Variants in ZCCHC7 observed in about 807,000 individuals in gnomAD.
ZCCHC7 encodes the protein zinc finger CCHC domain-containing protein 7.
ZCCHC7 carries 35 observed loss-of-function variants against 52.0 expected under a neutral mutation model. The observed-to-expected ratio is 0.67, with a 90% CI of 0.51 to 0.89. ZCCHC7 has a LOEUF of 0.89. Among genes scored for constraint, ZCCHC7 ranks in the 40% least tolerant of loss-of-function variants. The pLI, the probability that ZCCHC7 is intolerant of heterozygous loss-of-function variation, is 0.00. For missense variants in ZCCHC7, 574 were observed against 649.1 expected (o/e 0.88, Z 1.26); for synonymous variants, 217 against 221.5 (o/e 0.98, Z 0.18).
intron 2 of ZCCHC7, among the ~76,000 whole-genome samples, chr9:37,153,736 A>T (rs755364733): frequency 2.0e-5 from 3 of 151,528 alleles, no homozygotes; most frequent in Admixed American, 6.6e-5. Context: ...GCTACCGCTC[A>T]TCTTGTTTCT....
chr9:37,293,984 G>C (rs1372607393), intron 2 of ZCCHC7, among the ~76,000 whole-genome samples: 1 of 152,040 alleles, frequency 6.6e-6, no homozygotes, highest in Non-Finnish European at 1.5e-5. Flanking sequence ...AATTTAATAT[G>C]ATTTAAAATA....
chr9:37,121,201 G>A (rs1842301688), intron 1 of ZCCHC7, among the ~76,000 whole-genome samples: 2 of 152,236 alleles, frequency 1.3e-5, no homozygotes, highest in Admixed American at 1.3e-4. Context: ...GGGAAGAGCT[G>A]CTGGTTCGGT....
At position 37,187,927 on chromosome 9, in the gene ZCCHC7, C is replaced by G. The variant is rs549406799; in HGVS notation, c.610+60985C>G. Among the ~76,000 whole-genome samples the G allele has an allele frequency of 7.9e-5, 12 of 152,236 alleles. No homozygotes were observed. In the South Asian group the frequency reaches 2.5e-3, roughly 32 times the overall value. On this transcript the variant is annotated intron_variant, in intron 2 of 8. Coordinates refer to ENST00000336755, the MANE Select transcript of ZCCHC7 (RefSeq NM_032226.3). The stretch of plus-strand genomic sequence containing the variant: ...ATACTATCCTACTTCCTTTTGTCCT[C>G]TGTGGTTTCCGATGACAAATTCTCA...
At chr9:37,123,057 A>G (rs150685116) in intron 1 of ZCCHC7, among the ~76,000 whole-genome samples, 61 of 152,346 alleles carry the variant, frequency 4.0e-4, no homozygotes, top group Middle Eastern at 3.4e-3. Flanking sequence ...TAGGCTTCCT[A>G]TCTCTTTGTA....
intron 2 of ZCCHC7, among the ~76,000 whole-genome samples, chr9:37,261,736 G>A (rs76455555): frequency 1.3e-5 from 2 of 152,256 alleles, no homozygotes; most frequent in South Asian, 2.1e-4. Flanking sequence ...CCGTAATTAA[G>A]CAATTACCTT....
At position 37,269,618 on chromosome 9, in the gene ZCCHC7, CAAAAAAA is replaced by C. The variant is rs1170865355; in HGVS notation, c.611-32548_611-32542del. ...TGAGCAACAGAGTGAGACTCTGTCT[CAAAAAAA>C]AAAAAAAAAAAAAAAAAAAAACAAA... On this transcript the variant is annotated intron_variant, in intron 2 of 8. Coordinates refer to ENST00000336755, the MANE Select transcript of ZCCHC7 (RefSeq NM_032226.3). Among the ~76,000 whole-genome samples, 263 of 27,178 alleles carry C rather than the reference CAAAAAAA, an allele frequency of 9.7e-3. 3 individuals carry two copies. The highest frequency in any genetic ancestry group is 0.021 in the African/African-American group (232 of 11,188). 17.8% of individuals were successfully genotyped at this position (27,178 alleles called of 152,430 possible). A position where few individuals can be genotyped will look rare whatever the true frequency, so the allele number is the denominator to read the frequency against.
chr9:37,302,311 A>G (rs922206373), intron 3 of ZCCHC7, 80 bp downstream of exon 3: 10 of 1,211,396 alleles, frequency 8.3e-6, no homozygotes, highest in Non-Finnish European at 3.6e-6. Flanking sequence ...TTGGAACATT[A>G]ATAAGTTTAA....
chr9:37,295,451 T>C (rs1828741754), intron 2 of ZCCHC7, among the ~76,000 whole-genome samples: 1 of 152,204 alleles, frequency 6.6e-6, no homozygotes, highest in African/African-American at 2.4e-5. Flanking sequence ...ATTTATATTT[T>C]AGAAATTACT....
chr9:37,330,996 T>C (rs1194704447), intron 6 of ZCCHC7, among the ~76,000 whole-genome samples: 2 of 151,776 alleles, frequency 1.3e-5, no homozygotes, highest in African/African-American at 2.4e-5. Flanking sequence ...GGGCTGTATG[T>C]GTTAAGAATC....
At chr9:37,329,813 T>TGTG (rs1830385671) in intron 6 of ZCCHC7, among the ~76,000 whole-genome samples, 1 of 151,900 alleles carries the variant, frequency 6.6e-6, no homozygotes, top group South Asian at 2.1e-4. Context: ...CACATGAATG[T>TGTG]TGAGTCAATC....
intron 2 of ZCCHC7, among the ~76,000 whole-genome samples, chr9:37,227,972 A>G (rs1174915507): frequency 6.6e-6 from 1 of 151,900 alleles, no homozygotes; most frequent in Non-Finnish European, 1.5e-5. Flanking sequence ...AATTTTTGGA[A>G]TTTTAGTAGA....
At chr9:37,319,497 G>A (rs1201308821) in intron 5 of ZCCHC7, among the ~76,000 whole-genome samples, 2 of 151,966 alleles carry the variant, frequency 1.3e-5, no homozygotes, top group African/African-American at 2.4e-5. Flanking sequence ...GTGCAATCTC[G>A]GCTCACTGCA....
chr9:37,124,388 A>C (rs1460824388), intron 1 of ZCCHC7, among the ~76,000 whole-genome samples: 1 of 151,752 alleles, frequency 6.6e-6, no homozygotes, highest in Non-Finnish European at 1.5e-5. Flanking sequence ...AGCACATACT[A>C]GATTTATCAG....
rs1821383621 is a variant in ZCCHC7, at chr9:37,165,760, G to C, written c.610+38818G>C. Among the ~76,000 whole-genome samples the C allele has an allele frequency of 2.6e-5, 4 of 152,144 alleles. No individual in the cohort carries two copies. In the South Asian group the frequency reaches 8.3e-4, roughly 31 times the overall value. ...CACTCTTTGAGGCTGAAGCAAATCTGATTTTCAGTGTGAAAATAAAATATA... is the reference window on the plus strand; with the variant it reads ...CACTCTTTGAGGCTGAAGCAAATCTCATTTTCAGTGTGAAAATAAAATATA... On this transcript the variant is annotated intron_variant, in intron 2 of 8. Transcript: ENST00000336755.
In ZCCHC7 at chr9:37,354,883, T is replaced by C. The variant is rs1821603473; in HGVS notation, c.1198+59T>C. On this transcript the variant is annotated intron_variant, in intron 8 of 8. Transcript: ENST00000336755. The surrounding 1 kb of genome is among the most constrained non-coding windows in gnomAD (Gnocchi z 4.0). ...GCAGTAGTTTCTAAATTTCTTTGTT[T>C]GTACTGTCTTTGCCTGCTTTGGGGG... 1.7e-6 allele frequency: 2 copies of C among 1,177,364 alleles called. No homozygotes were observed. The highest frequency in any genetic ancestry group is 2.0e-5 in the Admixed American group (1 of 51,106). 72.9% of individuals were successfully genotyped at this position (1,177,364 alleles called of 1,614,324 possible). A position where few individuals can be genotyped will look rare whatever the true frequency, so the allele number is the denominator to read the frequency against.
rs1827639675 is a variant in ZCCHC7 at position 37,275,442 on chromosome 9, A to T, written c.611-26746A>T. ...GGTTCATTTTTTTGTTTTTTAGTTG[A>T]TGTGGGATATTTTATTTTGTGACTA... On this transcript the variant is annotated intron_variant, in intron 2 of 8. Coordinates refer to ENST00000336755, the MANE Select transcript of ZCCHC7 (RefSeq NM_032226.3). Among the ~76,000 whole-genome samples the T allele has an allele frequency of 2.7e-5, 4 of 148,918 alleles. No individual in the cohort carries two copies. The Admixed American group carries it at 2.7e-4, about 10-fold the overall frequency.
intron 2 of ZCCHC7, among the ~76,000 whole-genome samples, chr9:37,248,833 G>T (rs555554351): frequency 4.4e-4 from 67 of 152,284 alleles, no homozygotes; most frequent in African/African-American, 1.5e-3. Flanking sequence ...ATATCAGACT[G>T]CCAGAACTAA....
intron 2 of ZCCHC7, among the ~76,000 whole-genome samples, chr9:37,231,300 G>T (rs946871627): frequency 2.0e-5 from 3 of 152,076 alleles, no homozygotes; most frequent in African/African-American, 7.2e-5. Flanking sequence ...TATTAATTTG[G>T]CATCTTTCAA....
At chr9:37,165,156 GT>G (rs1821350133) in intron 2 of ZCCHC7, among the ~76,000 whole-genome samples, 1 of 152,052 alleles carries the variant, frequency 6.6e-6, no homozygotes, top group Non-Finnish European at 1.5e-5. Context: ...AGTATTACTG[GT>G]ATATATTGAT....
Sources: gnomAD v4.1 joint callset for allele counts (sites outside exome capture counted in the v4.1 genomes callset) on GRCh38, gnomAD v4.1.1 for gene constraint, Gnocchi (gnomAD v3.1) non-coding constraint, MANE v1.5 for transcripts, NCBI Gene and HGNC (gene_info 2026-07-23, HGNC 2026-07-21) for gene names.